The following BRINP1 variants were observed in gnomAD, a reference collection of about 807,000 sequenced individuals.
BRINP1 encodes the protein BMP/retinoic acid inducible neural specific 1.
Under a neutral mutation model 72.9 loss-of-function variants are expected in BRINP1, and 17 were observed. The observed-to-expected ratio is 0.23, with a 90% CI of 0.16 to 0.35. The LOEUF (loss-of-function observed/expected upper bound fraction) is 0.35. Among genes scored for constraint, BRINP1 ranks in the 10% least tolerant of loss-of-function variants. The pLI is 1.00. For missense variants in BRINP1, 850 were observed against 1,001.6 expected (o/e 0.85, Z 2.04); for synonymous variants, 418 against 378.5 (o/e 1.10, Z -1.21).
chr9:119,272,379 G>A (rs146518874), intron 2 of BRINP1, among the ~76,000 whole-genome samples: 49 of 152,216 alleles, frequency 3.2e-4, no homozygotes, highest in Non-Finnish European at 5.9e-4. Context: ...CACTGCGCCC[G>A]GCAGGAAATT....
intron 7 of BRINP1, among the ~76,000 whole-genome samples, chr9:119,173,220 TA>T (rs1259241535): frequency 7.9e-5 from 12 of 151,332 alleles, no homozygotes; most frequent in Admixed American, 4.6e-4. Context: ...CATGACTGTA[TA>T]TCTAGAAAAC....
At chr9:119,197,200 G>C (rs2118857300) in intron 7 of BRINP1, among the ~76,000 whole-genome samples, 1 of 152,310 alleles carries the variant, frequency 6.6e-6, no homozygotes. Flanking sequence ...CACTGAGTCA[G>C]ACCAAATATT....
intron 5 of BRINP1, among the ~76,000 whole-genome samples, chr9:119,218,746 A>ATTTTTTT (rs10685419): frequency 7.5e-6 from 1 of 133,378 alleles, no homozygotes. Flanking sequence ...AAACTCAGGG[A>ATTTTTTT]TTTTTTTTTT....
intron 2 of BRINP1, among the ~76,000 whole-genome samples, chr9:119,275,794 A>G (rs574475047): frequency 1.6e-4 from 24 of 152,326 alleles, no homozygotes; most frequent in Non-Finnish European, 2.6e-4. Context: ...AATGGCTCAT[A>G]TGGTATATGA....
At chr9:119,234,305 T>A (rs1341544723) in intron 5 of BRINP1, among the ~76,000 whole-genome samples, 2 of 152,180 alleles carry the variant, frequency 1.3e-5, no homozygotes, top group African/African-American at 4.8e-5. Flanking sequence ...TTGATTTGAG[T>A]CATGCTCATT....
At chr9:119,258,884 T>C (rs1221487640) in intron 2 of BRINP1, among the ~76,000 whole-genome samples, 1 of 152,160 alleles carries the variant, frequency 6.6e-6, no homozygotes, top group African/African-American at 2.4e-5. Context: ...TGAAGGCCAC[T>C]TGGAAAATCT....
In BRINP1 at chr9:119,292,571, G is replaced by A. The variant is rs1026378729; in HGVS notation, c.218+20567C>T. Among the ~76,000 whole-genome samples the A allele has an allele frequency of 4.6e-5, 7 of 152,314 alleles. No homozygotes were observed. The East Asian group carries it at 1.2e-3, about 25-fold the overall frequency. ...GAAAACAAATAGGGACTAAGATAGT[G>A]TCCTTCATCTATCGCTTAATTAGGT... On this transcript the variant is annotated intron_variant, in intron 2 of 7. Coordinates refer to ENST00000265922, the MANE Select transcript of BRINP1 (RefSeq NM_014618.3).
chr9:119,189,915 G>A (rs1829665067), intron 7 of BRINP1, among the ~76,000 whole-genome samples: 3 of 151,894 alleles, frequency 2.0e-5, no homozygotes, highest in African/African-American at 4.8e-5. Context: ...CAGATCACAT[G>A]TTAGGCCTCA....
intron 5 of BRINP1, among the ~76,000 whole-genome samples, chr9:119,225,533 TACTA>T (rs538936127): frequency 1.4e-4 from 22 of 152,222 alleles, no homozygotes; most frequent in African/African-American, 4.1e-4. Context: ...TGTTACACTG[TACTA>T]ACTTTTTGTA....
chr9:119,307,481 G>A (rs1831010944), intron 2 of BRINP1, among the ~76,000 whole-genome samples: 1 of 152,138 alleles, frequency 6.6e-6, no homozygotes, highest in Non-Finnish European at 1.5e-5. Flanking sequence ...ATGAAAAGGG[G>A]AAAGAAGAAC....
chr9:119,292,954 T>C (rs528959373), intron 2 of BRINP1, among the ~76,000 whole-genome samples: 71 of 152,320 alleles, frequency 4.7e-4, no homozygotes, highest in African/African-American at 1.6e-3. Flanking sequence ...GTGTATTTAT[T>C]GATTTAGTCG....
chr9:119,318,208 C>T (rs536269625), intron 1 of BRINP1, among the ~76,000 whole-genome samples: 44 of 152,258 alleles, frequency 2.9e-4, no homozygotes, highest in African/African-American at 1.0e-3. Flanking sequence ...TTATGTCTTC[C>T]ATGTGAAAAT....
chr9:119,362,013 G>A (rs916364009), intron 1 of BRINP1, among the ~76,000 whole-genome samples: 4 of 151,786 alleles, frequency 2.6e-5, no homozygotes, highest in African/African-American at 9.7e-5. Flanking sequence ...ATGTTGGTCA[G>A]GCTGGTCTCG....
rs147821876 is a variant in BRINP1 at position 119,241,289 on chromosome 9, C to A, written c.579+758G>T. Among the ~76,000 whole-genome samples the A allele has an allele frequency of 4.1e-3, 617 of 152,240 alleles. 2 individuals carry two copies. The highest frequency in any genetic ancestry group is 0.014 in the African/African-American group (581 of 41,520). ...CACCATCTTAGAAGGTACTACTGGACGGTGCTGGTGTAGGCGAGCCTAGAT... is the reference window on the plus strand; with the variant it reads ...CACCATCTTAGAAGGTACTACTGGAAGGTGCTGGTGTAGGCGAGCCTAGAT... On this transcript the variant is annotated intron_variant, in intron 4 of 7. Transcript: ENST00000265922.
chr9:119,348,309 GC>G (rs1275974607), intron 1 of BRINP1, among the ~76,000 whole-genome samples: 3 of 152,058 alleles, frequency 2.0e-5, no homozygotes, highest in African/African-American at 7.3e-5. Flanking sequence ...TTTCTTCTTA[GC>G]TCTGAATAAT....
intron 5 of BRINP1, among the ~76,000 whole-genome samples, chr9:119,236,602 T>A (rs1830193736): frequency 5.9e-5 from 9 of 152,154 alleles, no homozygotes; most frequent in Admixed American, 5.9e-4. Flanking sequence ...ACCCTCAGTA[T>A]GCACAGCAGG....
At chr9:119,274,445 TAC>T (rs1364714203) in intron 2 of BRINP1, among the ~76,000 whole-genome samples, 1 of 152,214 alleles carries the variant, frequency 6.6e-6, no homozygotes, top group Non-Finnish European at 1.5e-5. Context: ...TGGTTGAGAT[TAC>T]AGAGAACCTT....
chr9:119,224,447 A>T (rs1282993094), intron 5 of BRINP1, among the ~76,000 whole-genome samples: 1 of 152,048 alleles, frequency 6.6e-6, no homozygotes, highest in Non-Finnish European at 1.5e-5. Context: ...CTCATAATAC[A>T]TATTAGCACA....
At chr9:119,340,819 G>GT (rs1423000753) in intron 1 of BRINP1, among the ~76,000 whole-genome samples, 1 of 152,144 alleles carries the variant, frequency 6.6e-6, no homozygotes, top group African/African-American at 2.4e-5. Flanking sequence ...CTTTTTAAAT[G>GT]TATCAGTCCT....
Sources: allele counts gnomAD v4.1 joint callset (sites outside exome capture counted in the v4.1 genomes callset), GRCh38; gene constraint gnomAD v4.1.1; transcripts MANE v1.5; gene names NCBI Gene and HGNC (gene_info 2026-07-23, HGNC 2026-07-21).